The following USP48 variants were observed in gnomAD, a reference collection of about 807,000 sequenced individuals.
USP48 encodes ubiquitin specific peptidase 48, also known as ubiquitin carboxyl-terminal hydrolase 48.
In USP48, 43 loss-of-function variants were observed where a neutral mutation model predicts 150.7. The observed-to-expected ratio is 0.29, with a 90% CI of 0.22 to 0.37. USP48 has a LOEUF of 0.37. USP48 is among the 10% of genes least tolerant of loss of function. The pLI, the probability that USP48 is intolerant of heterozygous loss-of-function variation, is 1.00. For missense variants in USP48, 813 were observed against 1,249.6 expected (o/e 0.65, Z 5.27); for synonymous variants, 396 against 425.9 (o/e 0.93, Z 0.86).
At chr1:21,749,579 T>G (rs977846757) in intron 6 of USP48, among the ~76,000 whole-genome samples, 2 of 152,032 alleles carry the variant, frequency 1.3e-5, no homozygotes, top group African/African-American at 4.8e-5. Flanking sequence ...ACATCCAGTC[T>G]GCAAATTAAA....
intron 23 of USP48, among the ~76,000 whole-genome samples, chr1:21,693,667 G>T (rs2097611149): frequency 6.6e-6 from 1 of 152,156 alleles, no homozygotes; most frequent in African/African-American, 2.4e-5. Context: ...TAGGCACAGG[G>T]GCTCTTTCTG....
intron 11 of USP48, 23 bp downstream of exon 11, chr1:21,728,547 C>T (rs2097746329): frequency 6.2e-7 from 1 of 1,607,398 alleles, no homozygotes; most frequent in African/African-American, 1.3e-5. Flanking sequence ...GGCAACAGTG[C>T]TGTCCCAGAA....
intron 1 of USP48, among the ~76,000 whole-genome samples, chr1:21,772,074 T>C (rs1040730992): frequency 5.3e-5 from 8 of 152,250 alleles, no homozygotes; most frequent in South Asian, 2.1e-4. Flanking sequence ...AAATAAAATA[T>C]TGATGGATCC....
At chr1:21,773,565 T>C (rs549864355) in intron 1 of USP48, among the ~76,000 whole-genome samples, 1 of 152,282 alleles carries the variant, frequency 6.6e-6, no homozygotes, top group South Asian at 2.1e-4. Flanking sequence ...GAAAATAAGA[T>C]GCTATTTTTC....
chr1:21,748,712 A>C (rs2097801541), intron 6 of USP48, among the ~76,000 whole-genome samples: 1 of 152,220 alleles, frequency 6.6e-6, no homozygotes. Context: ...GGAATTCGAG[A>C]CCGGCCTGGC....
intron 1 of USP48, among the ~76,000 whole-genome samples, chr1:21,758,621 G>A (rs192164819): frequency 1.4e-4 from 21 of 151,828 alleles, no homozygotes; most frequent in East Asian, 1.9e-4. Context: ...GTGGCGGTGC[G>A]GGCCTGTAAT....
At chr1:21,697,258 G>T (rs1316332816) in intron 22 of USP48, among the ~76,000 whole-genome samples, 1 of 151,892 alleles carries the variant, frequency 6.6e-6, no homozygotes, top group East Asian at 1.9e-4. Flanking sequence ...AATCTACATA[G>T]GCAACTGAGT....
At chr1:21,776,830 C>T (rs949228240) in intron 1 of USP48, among the ~76,000 whole-genome samples, 1 of 151,940 alleles carries the variant, frequency 6.6e-6, no homozygotes, top group Admixed American at 6.6e-5. Flanking sequence ...GCCTGCAATG[C>T]CAGCTACTCG....
chr1:21,749,862 T>C (rs550287539), intron 6 of USP48, among the ~76,000 whole-genome samples: 3 of 152,144 alleles, frequency 2.0e-5, no homozygotes, highest in Admixed American at 6.6e-5. Context: ...CTCAGTCTCA[T>C]AAAGTGCTGG....
chr1:21,782,881 T>C lies in USP48; in HGVS notation c.77A>G (p.Glu26Gly). 1 of 1,558,226 alleles carries C rather than the reference T, an allele frequency of 6.4e-7. No homozygotes were observed. The highest frequency in any genetic ancestry group is 8.7e-7 in the Non-Finnish European group (1 of 1,152,562). ...GATGCGGTAAGCGGTCTCGATGTGC[T>C]CCTGCGACACCTCCTCGGGCCGCAC... ...ETVRPEEVSQ[E>G]HIETAYRIWL... Residue 26 changes from glutamate to glycine, a missense_variant, in exon 1 of 27, where the codon GAG (glutamate) becomes GGG (glycine). Glu to Gly is a moderately conservative substitution (Grantham distance 98). Transcript: ENST00000308271.
chr1:21,685,118 T>A (rs2097577197), intron 25 of USP48, among the ~76,000 whole-genome samples: 1 of 152,192 alleles, frequency 6.6e-6, no homozygotes, highest in Non-Finnish European at 1.5e-5. Context: ...AATCTGCAGG[T>A]TATTTTGGGT....
intron 25 of USP48, among the ~76,000 whole-genome samples, chr1:21,681,986 G>A (rs1391800549): frequency 6.6e-6 from 1 of 152,174 alleles, no homozygotes; most frequent in Non-Finnish European, 1.5e-5. Context: ...GCTGCCTGCT[G>A]AAGAACAGTA....
At chr1:21,697,387 G>A (rs1287214836) in intron 22 of USP48, among the ~76,000 whole-genome samples, 3 of 152,116 alleles carry the variant, frequency 2.0e-5, no homozygotes, top group African/African-American at 4.8e-5. Flanking sequence ...GGTCAGGCCA[G>A]GCGTGGTGGC....
At chr1:21,688,699 C>T (rs1010423897) in intron 24 of USP48, among the ~76,000 whole-genome samples, 11 of 151,384 alleles carry the variant, frequency 7.3e-5, no homozygotes, top group African/African-American at 2.4e-4. Context: ...AAAAATTGGC[C>T]GGGTGTGGTG....
chr1:21,750,378 G>A (rs917848574), intron 6 of USP48, among the ~76,000 whole-genome samples: 3 of 151,856 alleles, frequency 2.0e-5, no homozygotes, highest in Non-Finnish European at 4.4e-5. Flanking sequence ...AAACTCCACC[G>A]ACTCCAGCCT....
intron 14 of USP48, among the ~76,000 whole-genome samples, chr1:21,720,124 G>A (rs1490416881): frequency 2.0e-5 from 3 of 152,114 alleles, no homozygotes; most frequent in African/African-American, 7.2e-5. Context: ...CAAGGAAAAA[G>A]CTATTTAAAA....
intron 1 of USP48, among the ~76,000 whole-genome samples, chr1:21,763,467 G>T (rs1050747637): frequency 4.6e-5 from 7 of 152,174 alleles, no homozygotes; most frequent in African/African-American, 1.7e-4. Flanking sequence ...CAATATGGGG[G>T]GGCGGGGTTG....
intron 22 of USP48, among the ~76,000 whole-genome samples, chr1:21,697,534 G>A (rs1200978789): frequency 2.6e-5 from 4 of 151,792 alleles, no homozygotes; most frequent in African/African-American, 9.7e-5. Context: ...TTGGTGGTGG[G>A]CGCCTGTAGT....
At chr1:21,765,763 G>A (rs1319418240) in intron 1 of USP48, among the ~76,000 whole-genome samples, 3 of 151,848 alleles carry the variant, frequency 2.0e-5, no homozygotes, top group Admixed American at 1.3e-4. Context: ...GCTCACACCC[G>A]TAATCCTAGC....
Sources: allele counts gnomAD v4.1 joint callset (sites outside exome capture counted in the v4.1 genomes callset), GRCh38; gene constraint gnomAD v4.1.1; transcripts MANE v1.5; gene names NCBI Gene and HGNC (gene_info 2026-07-23, HGNC 2026-07-21).